Variants in NT5DC1 observed in about 807,000 individuals in gnomAD.
The protein encoded by NT5DC1 is 5'-nucleotidase domain-containing protein 1.
In NT5DC1, 42 loss-of-function variants were observed where a neutral mutation model predicts 59.4. That is an observed-to-expected ratio of 0.71 (90% CI 0.55 to 0.92). The LOEUF is 0.92. Ranked by LOEUF, NT5DC1 falls within the 40% of genes least tolerant of loss-of-function variation. The probability of loss-of-function intolerance (pLI) is 0.00; values close to 1 mark genes in which losing one functional copy is unlikely to be tolerated. For synonymous variants in NT5DC1, 172 were observed against 188.1 expected (o/e 0.91, Z 0.70); for missense variants, 501 against 537.1 (o/e 0.93, Z 0.66).
intron 6 of NT5DC1, among the ~76,000 whole-genome samples, chr6:116,156,305 T>G (rs1311653414): frequency 6.6e-6 from 1 of 152,186 alleles, no homozygotes; most frequent in Non-Finnish European, 1.5e-5. Context: ...GTTTTTGGAG[T>G]TAAAAAAAAT....
At chr6:116,202,034 G>T (rs1562162438) in intron 6 of NT5DC1, among the ~76,000 whole-genome samples, 1 of 151,994 alleles carries the variant, frequency 6.6e-6, no homozygotes, top group Non-Finnish European at 1.5e-5. Flanking sequence ...AGGCTGTCCA[G>T]TGTGGTAGCC....
At chr6:116,228,169 A>C (rs1007894449) in intron 8 of NT5DC1, among the ~76,000 whole-genome samples, 2 of 152,230 alleles carry the variant, frequency 1.3e-5, no homozygotes, top group Non-Finnish European at 2.9e-5. Context: ...TAGCAATCTC[A>C]GCGTATATAG....
At position 116,249,387 on chromosome 6, in the gene NT5DC1, A is replaced by C. The variant is rs1399334237; in HGVS notation, c.*5363A>C. 6.6e-6 allele frequency: 1 copy of C among 152,204 alleles called. No individual in the cohort carries two copies. Among genetic ancestry groups the C allele is most frequent in the Non-Finnish European group, 1.5e-5 (1 of 68,038 alleles). The allele number at this position is 152,204 out of a possible 1,614,324, so 9.4% of individuals were successfully genotyped here. On this transcript the variant is annotated 3_prime_UTR_variant, in exon 12 of 12. Coordinates refer to ENST00000319550, the MANE Select transcript of NT5DC1 (RefSeq NM_152729.3). ...TTTTCATAGATTTTGTAGCATCCAC[A>C]AAGCCCTCCTTACTGCAGAGAATGC...
chr6:116,168,392 G>A (rs925820551), intron 6 of NT5DC1, among the ~76,000 whole-genome samples: 2 of 151,748 alleles, frequency 1.3e-5, no homozygotes, highest in South Asian at 2.1e-4. Context: ...TATCCATTGA[G>A]CTTTTAATTT....
intron 6 of NT5DC1, among the ~76,000 whole-genome samples, chr6:116,165,286 C>T (rs1780436878): frequency 6.6e-6 from 1 of 151,940 alleles, no homozygotes; most frequent in Non-Finnish European, 1.5e-5. Context: ...TAGCATTGAC[C>T]TTGGATAGTC....
chr6:116,218,628 CAG>C (rs1233341273), intron 6 of NT5DC1, among the ~76,000 whole-genome samples: 7 of 152,184 alleles, frequency 4.6e-5, no homozygotes, highest in Non-Finnish European at 1.0e-4. Flanking sequence ...CCCTGGGAAA[CAG>C]AGAATATATT....
chr6:116,114,355 A>C (rs524285), intron 4 of NT5DC1, among the ~76,000 whole-genome samples: 12,079 of 152,134 alleles, frequency 0.079, 763 homozygotes, highest in African/African-American at 0.17. Flanking sequence ...GTTTTCTTCT[A>C]ATTTCCTTAT....
chr6:116,153,339 AGTTTTT>A lies in NT5DC1; in HGVS notation c.529+35395_529+35400del, dbSNP rs574021580. Among the ~76,000 whole-genome samples, 394 of 108,984 alleles carry A rather than the reference AGTTTTT, an allele frequency of 3.6e-3. 10 individuals carry two copies. In the South Asian group the frequency reaches 0.05, roughly 14 times the overall value. The allele number at this position is 108,984 out of a possible 152,430, so 71.5% of individuals were successfully genotyped here. On this transcript the variant is annotated intron_variant, in intron 6 of 11. Coordinates refer to ENST00000319550, the MANE Select transcript of NT5DC1 (RefSeq NM_152729.3). ...ACTGCCCATAAACATCAGCTCTAAA[AGTTTTT>A]CACAAACATCTTGAGGGTGAATTTA...
In NT5DC1 at chr6:116,102,316, A is replaced by T. The variant is rs147172481; in HGVS notation, c.93+1293A>T. The stretch of plus-strand genomic sequence containing the variant: ...TGTGTTTTCTATGCCCAGATGCTAA[A>T]TTTTTTTTTAAATGTCCTTTTTCTG... On this transcript the variant is annotated intron_variant, in intron 1 of 11. Transcript: ENST00000319550. Among the ~76,000 whole-genome samples the T allele has an allele frequency of 8.6e-5, 13 of 152,024 alleles. No homozygotes were observed. The East Asian group carries it at 1.2e-3, about 14-fold the overall frequency.
chr6:116,115,414 T>C (rs1268394449), intron 4 of NT5DC1, among the ~76,000 whole-genome samples: 1 of 152,266 alleles, frequency 6.6e-6, no homozygotes, highest in African/African-American at 2.4e-5. Context: ...TTTTTGCATA[T>C]ACTCTTTTTA....
intron 4 of NT5DC1, among the ~76,000 whole-genome samples, chr6:116,111,294 C>G (rs1452952732): frequency 1.3e-5 from 2 of 152,218 alleles, no homozygotes; most frequent in East Asian, 3.8e-4. Flanking sequence ...CTTTCTCCAT[C>G]TCTGATTCCT....
chr6:116,101,102 AACG>A, intron 1 of NT5DC1, 79 bp downstream of exon 1: 1 of 1,062,996 alleles, frequency 9.4e-7, no homozygotes. Context: ...AGGTTTGGGC[AACG>A]GCGGACGCTG....
intron 8 of NT5DC1, among the ~76,000 whole-genome samples, chr6:116,231,147 A>AACCCCC (rs899675633): frequency 1.8e-5 from 1 of 56,096 alleles, no homozygotes; most frequent in African/African-American, 1.7e-4. Flanking sequence ...TGAATGGTAA[A>AACCCCC]TCCCCCCCCC....
chr6:116,222,263 G>T (rs556546231), intron 7 of NT5DC1, among the ~76,000 whole-genome samples: 70 of 152,276 alleles, frequency 4.6e-4, no homozygotes, highest in African/African-American at 1.6e-3. Context: ...TATCCTAGTA[G>T]TGGGCCCATG....
chr6:116,118,845 T>C (rs1779022128), intron 6 of NT5DC1: 1 of 152,200 alleles, frequency 6.6e-6, no homozygotes, highest in African/African-American at 2.4e-5. Flanking sequence ...CAGTCAACAA[T>C]GAGTGGTTGG....
intron 6 of NT5DC1, among the ~76,000 whole-genome samples, chr6:116,199,825 T>C (rs1781308616): frequency 6.6e-6 from 1 of 152,034 alleles, no homozygotes; most frequent in African/African-American, 2.4e-5. Context: ...GAGTCTGGTA[T>C]AAATAAGTGA....
chr6:116,233,645 AG>A (rs1390153226), intron 8 of NT5DC1, among the ~76,000 whole-genome samples: 1 of 152,200 alleles, frequency 6.6e-6, no homozygotes, highest in Non-Finnish European at 1.5e-5. Flanking sequence ...CTTTGGAATA[AG>A]GAGGCAAAGT....
intron 8 of NT5DC1, among the ~76,000 whole-genome samples, chr6:116,236,297 T>C (rs898379112): frequency 7.9e-5 from 12 of 152,238 alleles, no homozygotes; most frequent in Non-Finnish European, 1.0e-4. Context: ...GCAGATTCTC[T>C]TCAGCTTTTC....
intron 6 of NT5DC1, among the ~76,000 whole-genome samples, chr6:116,183,919 A>T (rs1780937923): frequency 6.6e-6 from 1 of 152,042 alleles, no homozygotes; most frequent in Non-Finnish European, 1.5e-5. Context: ...TGCTGTGGCT[A>T]GGACTTCCAG....
Sources: allele counts gnomAD v4.1 joint callset (sites outside exome capture counted in the v4.1 genomes callset), GRCh38; gene constraint gnomAD v4.1.1; transcripts MANE v1.5; gene names NCBI Gene and HGNC (gene_info 2026-07-23, HGNC 2026-07-21).